Variants in STK17B observed in about 807,000 individuals in gnomAD.
The protein encoded by STK17B is serine/threonine kinase 17b, also known as serine/threonine-protein kinase 17B.
Under a neutral mutation model 42.0 loss-of-function variants are expected in STK17B, and 21 were observed. The observed-to-expected ratio is 0.50, with a 90% CI of 0.35 to 0.72. STK17B has a LOEUF of 0.72. Among genes scored for constraint, STK17B ranks in the 30% least tolerant of loss-of-function variants. The pLI is 0.00. For missense variants in STK17B, 349 were observed against 446.0 expected (o/e 0.78, Z 1.96); for synonymous variants, 143 against 148.4 (o/e 0.96, Z 0.26).
At chr2:196,160,280 G>A (rs1053467422) in intron 2 of STK17B, among the ~76,000 whole-genome samples, 4 of 152,130 alleles carry the variant, frequency 2.6e-5, no homozygotes, top group African/African-American at 9.7e-5. Flanking sequence ...AAAGGAAGCT[G>A]ACGTTTATTT....
intron 2 of STK17B, among the ~76,000 whole-genome samples, chr2:196,162,946 C>A (rs762247085): frequency 2.6e-5 from 4 of 152,114 alleles, no homozygotes; most frequent in Non-Finnish European, 5.9e-5. Flanking sequence ...CACCTAGTAA[C>A]TGGTGGAGTC....
chr2:196,163,147 A>T lies in STK17B; in HGVS notation c.122+115T>A. On this transcript the variant is annotated intron_variant, in intron 2 of 7. Coordinates refer to ENST00000263955, the MANE Select transcript of STK17B (RefSeq NM_004226.4). ...CCTAGGTAACAGCAACAGAGATCAC[A>T]ACTTTCCTTCCTAATCATTGTTAAA... 5.4e-6 allele frequency: 7 copies of T among 1,300,210 alleles called. No homozygotes were observed. In the South Asian group the frequency reaches 9.3e-5, roughly 17 times the overall value. 80.5% of individuals were successfully genotyped at this position (1,300,210 alleles called of 1,614,324 possible).
At chr2:196,159,020 A>G (rs951904217) in intron 2 of STK17B, among the ~76,000 whole-genome samples, 1 of 151,516 alleles carries the variant, frequency 6.6e-6, no homozygotes, top group Non-Finnish European at 1.5e-5. Flanking sequence ...CAAAAAAAAA[A>G]AAAACAAAAA....
chr2:196,149,425 A>T (rs970870553), intron 3 of STK17B, among the ~76,000 whole-genome samples: 3 of 152,128 alleles, frequency 2.0e-5, no homozygotes, highest in African/African-American at 7.2e-5. Context: ...CGGCCTCCCA[A>T]AGTGCTGTGA....
At chr2:196,150,656 A>G (rs1157024364) in intron 3 of STK17B, among the ~76,000 whole-genome samples, 1 of 152,222 alleles carries the variant, frequency 6.6e-6, no homozygotes, top group Non-Finnish European at 1.5e-5. Flanking sequence ...AATTACCCAT[A>G]AAATGCAAAT....
chr2:196,166,300 T>A (rs972936225), intron 1 of STK17B: 3 of 152,186 alleles, frequency 2.0e-5, no homozygotes, highest in Non-Finnish European at 4.4e-5. Flanking sequence ...TACATGCAGG[T>A]TATGAGTCAG....
upstream of STK17B, among the ~76,000 whole-genome samples, chr2:196,175,880 C>T (rs1699992555): frequency 6.6e-6 from 1 of 152,014 alleles, no homozygotes; most frequent in Admixed American, 6.6e-5. Context: ...GTTCAGTAAC[C>T]CAACTCCCTT....
intron 2 of STK17B, among the ~76,000 whole-genome samples, chr2:196,162,628 G>A (rs1699826532): frequency 1.3e-5 from 2 of 151,910 alleles, no homozygotes; most frequent in Non-Finnish European, 2.9e-5. Context: ...CAGGGCGCAG[G>A]GGCTCACACC....
upstream of STK17B, among the ~76,000 whole-genome samples, chr2:196,171,748 G>A (rs1009918028): frequency 6.7e-6 from 1 of 149,470 alleles, no homozygotes; most frequent in African/African-American, 2.4e-5. Flanking sequence ...AGGGTGCGGC[G>A]CCTGGCTGGC....
chr2:196,157,498 C>T (rs1699755227), intron 2 of STK17B, among the ~76,000 whole-genome samples: 1 of 151,762 alleles, frequency 6.6e-6, no homozygotes, highest in African/African-American at 2.4e-5. Flanking sequence ...CAATTTTTAC[C>T]ACCTTTGAAA....
intron 6 of STK17B, among the ~76,000 whole-genome samples, chr2:196,140,469 C>T (rs576509547): frequency 8.6e-6 from 1 of 116,252 alleles, no homozygotes; most frequent in Non-Finnish European, 2.1e-5. Context: ...GGTATTCTCT[C>T]TTGGCTAGCT....
At chr2:196,142,500 A>G (rs914449617) in intron 5 of STK17B, among the ~76,000 whole-genome samples, 2 of 152,214 alleles carry the variant, frequency 1.3e-5, no homozygotes, top group African/African-American at 2.4e-5. Context: ...AAACATTACC[A>G]TATTATTTCG....
intron 4 of STK17B, 82 bp downstream of exon 4, chr2:196,145,829 G>T: frequency 7.3e-7 from 1 of 1,379,242 alleles, no homozygotes. Flanking sequence ...ATTGTTTCCT[G>T]TTAATACCAG....
intron 5 of STK17B, among the ~76,000 whole-genome samples, chr2:196,141,533 C>T (rs972904124): frequency 6.6e-6 from 1 of 152,114 alleles, no homozygotes; most frequent in Non-Finnish European, 1.5e-5. Context: ...ATGGCACATG[C>T]CTGTAATCCC....
At chr2:196,144,017 G>A (rs1699530789) in intron 4 of STK17B, among the ~76,000 whole-genome samples, 1 of 85,652 alleles carries the variant, frequency 1.2e-5, no homozygotes, top group South Asian at 4.3e-4. Flanking sequence ...CGTAAGCTGA[G>A]ACTTAAAAGA....
rs1274569930 is a variant in STK17B at position 196,137,229 on chromosome 2, A to T, written c.*218T>A. 4.2e-6 allele frequency: 2 copies of T among 481,366 alleles called. No individual in the cohort carries two copies. The highest frequency in any genetic ancestry group is 2.0e-5 in the African/African-American group (1 of 50,328). 29.8% of individuals were successfully genotyped at this position (481,366 alleles called of 1,614,324 possible). A position where few individuals can be genotyped will look rare whatever the true frequency, so the allele number is the denominator to read the frequency against. The stretch of plus-strand genomic sequence containing the variant: ...CACATGTACAATTTTACTTTTTGTC[A>T]TATATTTAAATATTTTCTTATCTGC... On this transcript the variant is annotated 3_prime_UTR_variant, in exon 8 of 8. Coordinates refer to ENST00000263955, the MANE Select transcript of STK17B (RefSeq NM_004226.4).
At chr2:196,158,829 A>G (rs530967250) in intron 2 of STK17B, among the ~76,000 whole-genome samples, 63 of 152,032 alleles carry the variant, frequency 4.1e-4, no homozygotes, top group Non-Finnish European at 7.8e-4. Flanking sequence ...GACTAACACT[A>G]TGAAATCCCG....
Position 196,134,585 on chromosome 2 carries a change from G to A in STK17B, c.*2862C>T, listed in dbSNP as rs2094347620. ...TTGGAGATCGCTCCACTAGAGAACA[G>A]TTAACGGCTTACTTCCTTTAAAGTG... On this transcript the variant is annotated 3_prime_UTR_variant, in exon 8 of 8. Coordinates refer to ENST00000263955, the MANE Select transcript of STK17B (RefSeq NM_004226.4). The A allele has an allele frequency of 3.3e-5, 5 of 152,194 alleles. No individual in the cohort carries two copies. The South Asian group carries it at 1.0e-3, about 31-fold the overall frequency. 9.4% of individuals were successfully genotyped at this position (152,194 alleles called of 1,614,324 possible). A position where few individuals can be genotyped will look rare whatever the true frequency, so the allele number is the denominator to read the frequency against.
chr2:196,170,107 A>G (rs1002704387), intron 1 of STK17B, among the ~76,000 whole-genome samples: 3 of 152,226 alleles, frequency 2.0e-5, no homozygotes, highest in Non-Finnish European at 4.4e-5. Flanking sequence ...TATTTATAAA[A>G]TAAGCACTTG....
Sources: gnomAD v4.1 joint callset for allele counts (sites outside exome capture counted in the v4.1 genomes callset) on GRCh38, gnomAD v4.1.1 for gene constraint, MANE v1.5 for transcripts, NCBI Gene and HGNC (gene_info 2026-07-23, HGNC 2026-07-21) for gene names.